C8orf34: variants seen among roughly 807,000 people sequenced by gnomAD.
C8orf34 encodes the protein uncharacterized protein C8orf34.
A neutral mutation model predicts 68.3 loss-of-function variants in C8orf34; 65 were observed. The observed-to-expected ratio is 0.95, with a 90% CI of 0.78 to 1.17. The LOEUF is 1.17. C8orf34 is among the 50% of genes most tolerant of loss of function. The pLI is 0.00. For missense variants in C8orf34, 664 were observed against 655.4 expected (o/e 1.01, Z -0.14); for synonymous variants, 244 against 241.2 (o/e 1.01, Z -0.11).
intron 10 of C8orf34, among the ~76,000 whole-genome samples, chr8:68,754,670 C>T (rs1822801047): frequency 6.6e-6 from 1 of 152,178 alleles, no homozygotes; most frequent in East Asian, 1.9e-4. Flanking sequence ...TTTAAGAAGA[C>T]AGAAATACGA....
chr8:68,589,233 A>T (rs1817295298), intron 7 of C8orf34, among the ~76,000 whole-genome samples: 2 of 152,190 alleles, frequency 1.3e-5, no homozygotes, highest in Non-Finnish European at 1.5e-5. Flanking sequence ...CTGTCTATCC[A>T]TCCATCCGTG....
At position 68,649,078 on chromosome 8, in the gene C8orf34, G is replaced by C. The variant is rs148724122; in HGVS notation, c.1241+8567G>C. 4.0e-3 allele frequency among the ~76,000 whole-genome samples: 608 copies of C among 152,122 alleles called. 5 individuals carry two copies. The highest frequency in any genetic ancestry group is 0.014 in the African/African-American group (566 of 41,508). ...TCAGCAGCTTCCCATGGGAAGGAAT[G>C]GTGAGCAAAACAAACATGAAGGAAA... On this transcript the variant is annotated intron_variant, in intron 8 of 13. Coordinates refer to ENST00000518698, the MANE Select transcript of C8orf34 (RefSeq NM_052958.4).
chr8:68,781,661 C>T (rs977884586), intron 11 of C8orf34, among the ~76,000 whole-genome samples: 10 of 152,170 alleles, frequency 6.6e-5, no homozygotes, highest in Non-Finnish European at 1.3e-4. Context: ...TTTAGACATA[C>T]ATAGTGGTGC....
chr8:68,631,982 T>C (rs1818703222), intron 7 of C8orf34, among the ~76,000 whole-genome samples: 1 of 152,176 alleles, frequency 6.6e-6, no homozygotes, highest in South Asian at 2.1e-4. Flanking sequence ...GTACCAGGAA[T>C]GAGGTACTGC....
At chr8:68,686,669 T>A (rs1431668825) in intron 8 of C8orf34, among the ~76,000 whole-genome samples, 3 of 152,090 alleles carry the variant, frequency 2.0e-5, no homozygotes, top group African/African-American at 7.2e-5. Flanking sequence ...GTCAACATCA[T>A]ACTAAATGGG....
chr8:68,540,533 A>C (rs1815658431), intron 7 of C8orf34, among the ~76,000 whole-genome samples: 1 of 151,844 alleles, frequency 6.6e-6, no homozygotes, highest in African/African-American at 2.4e-5. Flanking sequence ...TTTTGAGAGG[A>C]CTCTGTATTT....
intron 3 of C8orf34, among the ~76,000 whole-genome samples, chr8:68,456,373 T>C (rs1362023735): frequency 6.6e-6 from 1 of 152,204 alleles, no homozygotes; most frequent in Non-Finnish European, 1.5e-5. Context: ...GTGAGCTTGG[T>C]AGAATGTAAT....
intron 10 of C8orf34, among the ~76,000 whole-genome samples, chr8:68,751,914 T>C (rs1201872134): frequency 6.6e-6 from 1 of 151,812 alleles, no homozygotes; most frequent in Non-Finnish European, 1.5e-5. Context: ...TCAAAATCTC[T>C]TGTATAAGTT....
chr8:68,342,785 C>A (rs1252818445), intron 1 of C8orf34, among the ~76,000 whole-genome samples: 2 of 152,062 alleles, frequency 1.3e-5, no homozygotes, highest in Non-Finnish European at 2.9e-5. Flanking sequence ...TCAGGTACCC[C>A]TTATTTGACT....
intron 12 of C8orf34, among the ~76,000 whole-genome samples, chr8:68,807,150 T>C (rs1324584497): frequency 6.6e-6 from 1 of 152,208 alleles, no homozygotes. Flanking sequence ...CCTTAAGTCC[T>C]AAGCTTGGAA....
chr8:68,549,104 A>G (rs182131960), intron 7 of C8orf34, among the ~76,000 whole-genome samples: 223 of 151,908 alleles, frequency 1.5e-3, no homozygotes, highest in African/African-American at 5.0e-3. Context: ...GGACACAGAT[A>G]AAAGGATGTG....
chr8:68,359,518 G>A (rs1806894045), intron 1 of C8orf34, among the ~76,000 whole-genome samples: 1 of 152,182 alleles, frequency 6.6e-6, no homozygotes, highest in Non-Finnish European at 1.5e-5. Flanking sequence ...CAGAAGTGCT[G>A]GTGATAAGAG....
chr8:68,670,559 C>T (rs1395873978), intron 8 of C8orf34, among the ~76,000 whole-genome samples: 1 of 152,134 alleles, frequency 6.6e-6, no homozygotes, highest in East Asian at 1.9e-4. Context: ...CACCTTCCTG[C>T]CATTTCCTGC....
intron 5 of C8orf34, among the ~76,000 whole-genome samples, chr8:68,502,082 G>T (rs558344467): frequency 1.3e-5 from 2 of 151,942 alleles, no homozygotes; most frequent in Non-Finnish European, 2.9e-5. Flanking sequence ...TTGTTTATTC[G>T]TTTTTTGACA....
rs150506402 is a variant in C8orf34 at position 68,350,590 on chromosome 8, A to G, written c.327+19251A>G. 8.1e-3 allele frequency among the ~76,000 whole-genome samples: 1,235 copies of G among 152,164 alleles called. 41 individuals carry two copies. In the East Asian group the frequency reaches 0.1, roughly 13 times the overall value. The stretch of plus-strand genomic sequence containing the variant: ...TATGTCTCCTTGTAGGTCTCTAAGA[A>G]CTTGCTTTATGAATCTAGGTACTCC... On this transcript the variant is annotated intron_variant, in intron 1 of 13. Coordinates refer to ENST00000518698, the MANE Select transcript of C8orf34 (RefSeq NM_052958.4).
intron 7 of C8orf34, among the ~76,000 whole-genome samples, chr8:68,586,364 C>T (rs570788281): frequency 9.2e-5 from 14 of 152,056 alleles, no homozygotes; most frequent in Non-Finnish European, 1.5e-4. Context: ...TGAAGAAGGG[C>T]CAGTTTGGCC....
At chr8:68,688,019 A>T (rs1408084083) in intron 8 of C8orf34, among the ~76,000 whole-genome samples, 2 of 152,150 alleles carry the variant, frequency 1.3e-5, no homozygotes, top group African/African-American at 2.4e-5. Flanking sequence ...GGCAACAAAC[A>T]TGAAAAATGG....
intron 1 of C8orf34, among the ~76,000 whole-genome samples, chr8:68,415,795 T>C (rs1323141679): frequency 3.3e-5 from 5 of 152,236 alleles, no homozygotes; most frequent in African/African-American, 7.2e-5. Flanking sequence ...GTTCAGCAAA[T>C]GCTGTCTACA....
rs544281292 is a variant in C8orf34, at chr8:68,614,343, T to C, written c.1106-26033T>C. On this transcript the variant is annotated intron_variant, in intron 7 of 13. Transcript: ENST00000518698. ...CTTTTGTTGCCATTGCTTTTGGTGT[T>C]TTAGAAATGAAGTCCTTGCCCATGC... Among the ~76,000 whole-genome samples, 3 of 152,318 alleles carry C rather than the reference T, an allele frequency of 2.0e-5. No homozygotes were observed. In the East Asian group the frequency reaches 5.8e-4, roughly 29 times the overall value.
Sources: allele counts gnomAD v4.1 joint callset (sites outside exome capture counted in the v4.1 genomes callset), GRCh38; gene constraint gnomAD v4.1.1; transcripts MANE v1.5; gene names NCBI Gene and HGNC (gene_info 2026-07-23, HGNC 2026-07-21).